Variants in JAK1 observed in about 807,000 individuals in gnomAD.
JAK1 encodes Janus kinase 1.
A neutral mutation model predicts 136.6 loss-of-function variants in JAK1; 16 were observed. That is an observed-to-expected ratio of 0.12 (90% CI 0.08 to 0.18). JAK1 has a LOEUF of 0.18. Ranked by LOEUF, JAK1 falls within the 10% of genes least tolerant of loss-of-function variation. The pLI, the probability that JAK1 is intolerant of heterozygous loss-of-function variation, is 1.00. For synonymous variants in JAK1, 492 were observed against 519.5 expected (o/e 0.95, Z 0.72); for missense variants, 859 against 1,450.1 (o/e 0.59, Z 6.62).
chr1:64,839,454 T>G, intron 20 of JAK1, 149 bp downstream of exon 20: 1 of 634,590 alleles, frequency 1.6e-6, no homozygotes, highest in Non-Finnish European at 2.6e-6. Context: ...ATTTGACATA[T>G]GACTTGGAAG....
chr1:64,850,996 G>T, intron 11 of JAK1, 86 bp from the exon 12 acceptor site: 1 of 874,678 alleles, frequency 1.1e-6, no homozygotes, highest in Non-Finnish European at 1.9e-6. Flanking sequence ...GGGGCCGTGG[G>T]ACCGGTGTGC....
chr1:64,840,975 C>T (rs971062766), intron 19 of JAK1, among the ~76,000 whole-genome samples: 1 of 152,188 alleles, frequency 6.6e-6, no homozygotes, highest in African/African-American at 2.4e-5. Context: ...AGAGAAAACT[C>T]AAGTCTCTCA....
At chr1:64,910,065 A>G (rs1186676575) in intron 1 of JAK1, among the ~76,000 whole-genome samples, 1 of 152,206 alleles carries the variant, frequency 6.6e-6, no homozygotes, top group East Asian at 1.9e-4. Context: ...GTGCCTTCTA[A>G]ATTTCAAACA....
chr1:64,894,445 T>C (rs541813341), intron 1 of JAK1, among the ~76,000 whole-genome samples: 5 of 152,136 alleles, frequency 3.3e-5, no homozygotes, highest in African/African-American at 1.2e-4. Flanking sequence ...TGCCTCAAAA[T>C]GTAAGTTAGG....
intron 10 of JAK1, among the ~76,000 whole-genome samples, chr1:64,856,549 C>A (rs310228): frequency 0.12 from 18,865 of 152,104 alleles, 1,442 homozygotes; most frequent in African/African-American, 0.2. Context: ...GAGTCACGGA[C>A]ACTCTTGGTA....
intron 1 of JAK1, among the ~76,000 whole-genome samples, chr1:64,901,808 C>T (rs536340348): frequency 5.3e-5 from 8 of 152,280 alleles, no homozygotes; most frequent in East Asian, 3.9e-4. Flanking sequence ...TCTCCCCTAT[C>T]GCATCCCCTA....
At chr1:64,994,087 C>G (rs1052421110) in intron 2 of JAK1, among the ~76,000 whole-genome samples, 8 of 152,176 alleles carry the variant, frequency 5.3e-5, no homozygotes, top group Non-Finnish European at 8.8e-5. Context: ...ACTAGAGACA[C>G]ACACCACCAT....
At chr1:64,868,572 C>A (rs1656857002) in intron 6 of JAK1, among the ~76,000 whole-genome samples, 1 of 152,160 alleles carries the variant, frequency 6.6e-6, no homozygotes, top group Non-Finnish European at 1.5e-5. Context: ...CCCTGCATCA[C>A]TGAGGAGCAA....
chr1:64,835,445 G>C lies in JAK1; in HGVS notation c.3320C>G (p.Thr1107Arg), dbSNP rs1198988820. The C allele has an allele frequency of 6.2e-7, 1 of 1,609,296 alleles. No individual in the cohort carries two copies. The highest frequency in any genetic ancestry group is 1.3e-5 in the African/African-American group (1 of 74,450). Residue 1107 changes from threonine to arginine, a missense_variant, in exon 24 of 25, where the codon ACG becomes AGG. Thr to Arg is a moderately conservative substitution (Grantham distance 71). Coordinates refer to ENST00000342505, the MANE Select transcript of JAK1 (RefSeq NM_002227.4). ...GQMTVTRLVNTLKEGKRLPCP... is the reference protein window; with the variant it reads ...GQMTVTRLVNRLKEGKRLPCP... The stretch of plus-strand genomic sequence containing the variant: ...CGGCAGGCGTTTTCCTTCTTTTAAC[G>C]TATTCACAAGTCTTGTGACTGTCAT...
At chr1:65,067,729 C>T (rs891229808) in exon 1 of JAK1, 1 of 147,382 alleles carries the variant, frequency 6.8e-6, no homozygotes, top group Non-Finnish European at 1.5e-5. Flanking sequence ...TTTATTCTAT[C>T]TCTGCCATGT....
chr1:64,933,645 C>T (rs1645737172), intron 1 of JAK1, among the ~76,000 whole-genome samples: 1 of 152,180 alleles, frequency 6.6e-6, no homozygotes, highest in African/African-American at 2.4e-5. Context: ...TCATGCTGTA[C>T]TACACTGACT....
intron 2 of JAK1, among the ~76,000 whole-genome samples, chr1:65,034,493 T>C (rs1647052558): frequency 6.6e-6 from 1 of 152,214 alleles, no homozygotes; most frequent in South Asian, 2.1e-4. Context: ...TCCAAAAAGG[T>C]AGCCATTAAT....
chr1:64,955,434 G>C (rs1646168955), intron 1 of JAK1, among the ~76,000 whole-genome samples: 1 of 152,136 alleles, frequency 6.6e-6, no homozygotes, highest in South Asian at 2.1e-4. Flanking sequence ...ATGAAGCACG[G>C]GAAAAGTGCA....
chr1:65,048,680 G>A (rs1197847827), intron 1 of JAK1, among the ~76,000 whole-genome samples: 2 of 152,134 alleles, frequency 1.3e-5, no homozygotes, highest in Admixed American at 1.3e-4. Flanking sequence ...AGTCCAAAAG[G>A]ATTTATGAGG....
At chr1:64,905,027 C>T (rs891460273) in intron 1 of JAK1, among the ~76,000 whole-genome samples, 1 of 152,166 alleles carries the variant, frequency 6.6e-6, no homozygotes, top group African/African-American at 2.4e-5. Flanking sequence ...AAAATATGGT[C>T]ACCTAGGGAA....
At chr1:64,924,520 G>A (rs1323942317) in intron 1 of JAK1, among the ~76,000 whole-genome samples, 1 of 152,166 alleles carries the variant, frequency 6.6e-6, no homozygotes, top group Non-Finnish European at 1.5e-5. Flanking sequence ...AGGGTCCACT[G>A]CCCCAGCTGT....
In JAK1 at chr1:65,061,384, T is replaced by C. The variant is rs141950509; in HGVS notation, c.-181+6220A>G. On this transcript the variant is annotated intron_variant, in intron 1 of 25. Transcript: ENST00000671954. Reference sequence around the variant, plus strand: ...CACTCCAGCCTGGGTGACAAAGACCTTTTCTCAAGCGATCAATCAATGTGG... The same window carrying C: ...CACTCCAGCCTGGGTGACAAAGACCCTTTCTCAAGCGATCAATCAATGTGG... 2.0e-5 allele frequency among the ~76,000 whole-genome samples: 3 copies of C among 152,226 alleles called. No individual in the cohort carries two copies. The East Asian group carries it at 5.8e-4, about 29-fold the overall frequency.
intron 1 of JAK1, among the ~76,000 whole-genome samples, chr1:65,059,476 T>C (rs768491022): frequency 5.9e-5 from 9 of 152,212 alleles, no homozygotes; most frequent in African/African-American, 1.2e-4. Context: ...ATTAGTAACA[T>C]TGATATTTTT....
chr1:64,867,781 G>A (rs1349979204), intron 6 of JAK1, among the ~76,000 whole-genome samples: 1 of 152,082 alleles, frequency 6.6e-6, no homozygotes, highest in African/African-American at 2.4e-5. Context: ...ATCTGAGGTC[G>A]GGAGTGAGAG....
Sources: allele counts gnomAD v4.1 joint callset (sites outside exome capture counted in the v4.1 genomes callset), GRCh38; gene constraint gnomAD v4.1.1; transcripts MANE v1.5; gene names NCBI Gene and HGNC (gene_info 2026-07-23, HGNC 2026-07-21).